The following GRIK1 variants were observed in gnomAD, a reference collection of about 807,000 sequenced individuals.
GRIK1 encodes the protein glutamate receptor ionotropic, kainate 1.
A neutral mutation model predicts 105.7 loss-of-function variants in GRIK1; 69 were observed. The ratio of observed to expected loss-of-function variants is 0.65; its 90% CI spans 0.54 to 0.80. GRIK1 has a LOEUF of 0.80. Among genes scored for constraint, GRIK1 ranks in the 30% least tolerant of loss-of-function variants. The pLI, the probability that GRIK1 is intolerant of heterozygous loss-of-function variation, is 0.00. For missense variants in GRIK1, 1,109 were observed against 1,167.3 expected, an observed-to-expected ratio of 0.95 and a Z score of 0.73; for synonymous variants, 438 against 431.3, an observed-to-expected ratio of 1.02 and a Z score of -0.19.
intron 1 of GRIK1, among the ~76,000 whole-genome samples, chr21:29,765,417 C>T (rs915979304): frequency 5.3e-5 from 8 of 152,038 alleles, no homozygotes; most frequent in African/African-American, 9.7e-5. Flanking sequence ...TGAGAGGTCT[C>T]CTTGCTACCT....
intron 1 of GRIK1, among the ~76,000 whole-genome samples, chr21:29,790,567 C>A (rs968926168): frequency 6.6e-6 from 1 of 151,900 alleles, no homozygotes; most frequent in Non-Finnish European, 1.5e-5. Context: ...GTGACTCTCC[C>A]ACCTCAGCCT....
At chr21:29,698,395 G>A (rs1156405576) in intron 1 of GRIK1, among the ~76,000 whole-genome samples, 2 of 152,178 alleles carry the variant, frequency 1.3e-5, no homozygotes, top group Non-Finnish European at 2.9e-5. Flanking sequence ...AATTTCCCAA[G>A]CCAGGGCAGT....
intron 3 of GRIK1, among the ~76,000 whole-genome samples, chr21:29,682,874 A>C (rs1408034521): frequency 6.6e-6 from 1 of 152,234 alleles, no homozygotes. Context: ...AATGTGTGCA[A>C]ACTATGCATC....
At chr21:29,745,547 G>A (rs1050707553) in intron 1 of GRIK1, among the ~76,000 whole-genome samples, 2 of 152,222 alleles carry the variant, frequency 1.3e-5, no homozygotes, top group African/African-American at 4.8e-5. Flanking sequence ...GATCCCACAG[G>A]TAGAAAGAGT....
chr21:29,540,268 C>G (rs1236309239), intron 16 of GRIK1, among the ~76,000 whole-genome samples: 2 of 152,228 alleles, frequency 1.3e-5, no homozygotes, highest in Admixed American at 1.3e-4. Flanking sequence ...TTACTCTTGA[C>G]TAACTCCAAG....
In GRIK1 at chr21:29,693,906, G is replaced by A. The variant is rs1210923023; in HGVS notation, c.276C>T (p.Ala92=). 9 of 1,611,834 alleles carry A rather than the reference G, an allele frequency of 5.6e-6. No individual in the cohort carries two copies. The highest frequency in any genetic ancestry group is 1.7e-4 in the Middle Eastern group (1 of 6,060). ...QRINLFDSFE[A]SRRACDQLAL... Reference sequence around the variant, plus strand: ...TGGGAAAATAGTTACCTCTCCGCGAGGCTTCAAAACTATCAAAAAGGTTAA... The same window carrying A: ...TGGGAAAATAGTTACCTCTCCGCGAAGCTTCAAAACTATCAAAAAGGTTAA... The change falls in exon 2 of 18, where the codon GCC becomes GCT. Residue 92 remains alanine, a synonymous_variant. Transcript: ENST00000327783.
chr21:29,593,920 A>G (rs1465692264), intron 9 of GRIK1, among the ~76,000 whole-genome samples: 1 of 152,232 alleles, frequency 6.6e-6, no homozygotes, highest in African/African-American at 2.4e-5. Context: ...GCAGAAGCTA[A>G]GAGATCATTG....
chr21:29,563,732 A>G (rs1414430802), intron 14 of GRIK1, among the ~76,000 whole-genome samples: 1 of 152,236 alleles, frequency 6.6e-6, no homozygotes, highest in Non-Finnish European at 1.5e-5. Context: ...CTTAAGGGAA[A>G]ATAATTTTCT....
chr21:29,798,560 A>G (rs1253258249), intron 1 of GRIK1, among the ~76,000 whole-genome samples: 1 of 152,222 alleles, frequency 6.6e-6, no homozygotes, highest in African/African-American at 2.4e-5. Flanking sequence ...ATTGTATCAC[A>G]TTAAATTGAA....
At chr21:29,631,455 C>G (rs1205125083) in intron 7 of GRIK1, among the ~76,000 whole-genome samples, 3 of 152,144 alleles carry the variant, frequency 2.0e-5, no homozygotes, top group African/African-American at 4.8e-5. Context: ...AGAAGAGGGC[C>G]CTCACTGGAA....
At position 29,672,969 on chromosome 21, in the gene GRIK1, C is replaced by T; in HGVS notation, c.726+14G>A. On this transcript the variant is annotated intron_variant, in intron 4 of 17. Coordinates refer to ENST00000327783, the MANE Select transcript of GRIK1 (RefSeq NM_001330994.2). ...ATTTATCCCACACCTCCACCTCCTC[C>T]CTAGCCCTCTTACCTGCTTAAGGAT... 6.3e-7 allele frequency: 1 copy of T among 1,592,392 alleles called. No individual in the cohort carries two copies.
chr21:29,649,026 G>A (rs538858287), intron 6 of GRIK1, among the ~76,000 whole-genome samples: 14 of 152,296 alleles, frequency 9.2e-5, no homozygotes, highest in East Asian at 5.8e-4. Flanking sequence ...GGGGTCATAA[G>A]TTTGCTCTCT....
chr21:29,898,250 C>A (rs2070247598), intron 1 of GRIK1, among the ~76,000 whole-genome samples: 1 of 152,176 alleles, frequency 6.6e-6, no homozygotes, highest in East Asian at 1.9e-4. Context: ...AAAGTCCCTG[C>A]CCCATGAAGC....
rs1241331681 is a variant in GRIK1, at chr21:29,561,675, G to T, written c.2305C>A (p.Gln769Lys). 1.9e-6 allele frequency: 3 copies of T among 1,614,076 alleles called. No individual in the cohort carries two copies. The highest frequency in any genetic ancestry group is 1.6e-4 in the Middle Eastern group (1 of 6,062). ...TTGGAGTCAATGAGGCCCCCGATCT[G>T]AGTGAGGTTGCAGTTTCTCTGCGTC... ...YVTQRNCNLT[Q>K]IGGLIDSKGY... The change falls in exon 15 of 18, where the codon CAG (glutamine) becomes AAG (lysine). Residue 769 changes from glutamine to lysine, a missense_variant. Coordinates refer to ENST00000327783, the MANE Select transcript of GRIK1 (RefSeq NM_001330994.2).
chr21:29,760,484 G>A (rs2065479710), intron 1 of GRIK1: 1 of 152,230 alleles, frequency 6.6e-6, no homozygotes, highest in African/African-American at 2.4e-5. Flanking sequence ...TTGGCGGGTA[G>A]GGAGGGAAAT....
intron 1 of GRIK1, among the ~76,000 whole-genome samples, chr21:29,700,133 C>G (rs1340408532): frequency 6.6e-6 from 1 of 152,178 alleles, no homozygotes; most frequent in Non-Finnish European, 1.5e-5. Context: ...ACCACAGGAG[C>G]ATTTCTGTCT....
chr21:29,723,032 T>A (rs1042282085), intron 1 of GRIK1, among the ~76,000 whole-genome samples: 1 of 152,180 alleles, frequency 6.6e-6, no homozygotes, highest in African/African-American at 2.4e-5. Context: ...TGAAAAATAT[T>A]TGGGTCCAAC....
chr21:29,825,720 G>A (rs2067434807), intron 1 of GRIK1, among the ~76,000 whole-genome samples: 1 of 152,026 alleles, frequency 6.6e-6, no homozygotes, highest in African/African-American at 2.4e-5. Context: ...TAGAGAAAAG[G>A]AGTACTGGTC....
chr21:29,844,918 G>A (rs1336589947), intron 1 of GRIK1, among the ~76,000 whole-genome samples: 2 of 152,102 alleles, frequency 1.3e-5, no homozygotes, highest in African/African-American at 4.8e-5. Flanking sequence ...GTCTATACCA[G>A]AAGGGGAATT....
Sources: gnomAD v4.1 joint callset for allele counts (sites outside exome capture counted in the v4.1 genomes callset) on GRCh38, gnomAD v4.1.1 for gene constraint, MANE v1.5 for transcripts, NCBI Gene and HGNC (gene_info 2026-07-23, HGNC 2026-07-21) for gene names.